Variants in TENM1 observed in about 807,000 individuals in gnomAD.
The protein encoded by TENM1 is teneurin-1.
A neutral mutation model predicts 174.8 loss-of-function variants in TENM1; 35 were observed. That is an observed-to-expected ratio of 0.20 (90% CI 0.15 to 0.27). TENM1 has a LOEUF of 0.27. Among genes scored for constraint, TENM1 ranks in the 10% least tolerant of loss-of-function variants. TENM1 has a pLI of 1.00. For synonymous variants in TENM1, 781 were observed against 798.7 expected, an observed-to-expected ratio of 0.98 and a Z score of 0.37; for missense variants, 1,633 against 2,130.1, an observed-to-expected ratio of 0.77 and a Z score of 4.59.
intron 1 of TENM1, among the ~76,000 whole-genome samples, chrX:124,947,174 A>C (rs1000378024): frequency 5.4e-5 from 6 of 111,870 alleles, no homozygotes; most frequent in African/African-American, 1.9e-4. Flanking sequence ...TTGCACAGCA[A>C]TCTTGCAAAT....
Position 124,406,404 on chromosome X carries a change from T to C in TENM1, c.5068A>G (p.Lys1690Glu). The change falls in exon 26 of 32, where the codon AAA becomes GAA. Residue 1690 changes from lysine (K) to glutamate (E), a missense_variant. Physicochemically the swap from Lys to Glu is moderately conservative, Grantham distance 56. This residue lies in a region of TENM1 where 807 missense variants were observed against 1,125.3 expected (regional missense o/e 0.72). Coordinates refer to ENST00000422452, the Ensembl canonical transcript of TENM1. ...CGGTTGGAAGTATCTAGCTCCACTT[T>C]TGTCAGCTTCTCCAGGTCACTGTGG... The C allele has an allele frequency of 2.5e-6, 3 of 1,209,417 alleles. No homozygotes were observed. Among genetic ancestry groups the C allele is most frequent in the Non-Finnish European group, 3.4e-6 (3 of 893,650 alleles).
chrX:124,998,055 G>A, the TENM1 span, among the ~76,000 whole-genome samples: 1 of 102,101 alleles, frequency 9.8e-6, no homozygotes, highest in African/African-American at 3.6e-5. Flanking sequence ...TGGCCTATCA[G>A]TGTGTGGCTT....
At chrX:124,725,842 G>T (rs1307874822) in intron 4 of TENM1, among the ~76,000 whole-genome samples, 3 of 112,193 alleles carry the variant, frequency 2.7e-5, no homozygotes, top group Non-Finnish European at 3.8e-5. Context: ...TATATTTCAT[G>T]CTCTTAGTAA....
intron 3 of TENM1, among the ~76,000 whole-genome samples, chrX:124,794,475 T>C (rs1858905649): frequency 9.0e-6 from 1 of 111,425 alleles, no homozygotes; most frequent in African/African-American, 3.3e-5. Context: ...AACTTCCACA[T>C]GCAATACGTC....
chrX:125,010,970 G>A, the TENM1 span, among the ~76,000 whole-genome samples: 1 of 111,255 alleles, frequency 9.0e-6, no homozygotes, highest in Non-Finnish European at 1.9e-5. Flanking sequence ...GCATGGTACT[G>A]GTACCCAAAC....
At chrX:124,862,017 G>C (rs1359501410) in intron 3 of TENM1, among the ~76,000 whole-genome samples, 1 of 111,869 alleles carries the variant, frequency 8.9e-6, no homozygotes, top group Non-Finnish European at 1.9e-5. Context: ...ATAAGGGCCA[G>C]TATAGTCATC....
At chrX:124,794,314 C>A (rs1320247722) in intron 3 of TENM1, among the ~76,000 whole-genome samples, 1 of 111,591 alleles carries the variant, frequency 9.0e-6, no homozygotes, top group Admixed American at 9.5e-5. Context: ...GTTTGGATAT[C>A]TCATAGACAA....
At chrX:124,749,006 G>C (rs1422377100) in intron 3 of TENM1, among the ~76,000 whole-genome samples, 1 of 111,325 alleles carries the variant, frequency 9.0e-6, no homozygotes, top group African/African-American at 3.3e-5. Context: ...CTAGTAAGTA[G>C]CCTAAGAGGA....
intron 3 of TENM1, among the ~76,000 whole-genome samples, chrX:124,807,151 A>G (rs974998369): frequency 1.8e-5 from 2 of 111,637 alleles, no homozygotes; most frequent in African/African-American, 6.5e-5. Context: ...CTCATTCATT[A>G]CCATGAGGAT....
chrX:124,450,347 G>A (rs780632962), intron 23 of TENM1, among the ~76,000 whole-genome samples: 15 of 82,149 alleles, frequency 1.8e-4, no homozygotes, highest in African/African-American at 5.9e-4. Context: ...GCCACAGAGC[G>A]AGACTCCGTC....
At chrX:124,943,247 C>T (rs563372766) in intron 1 of TENM1, among the ~76,000 whole-genome samples, 61 of 110,937 alleles carry the variant, frequency 5.5e-4, no homozygotes, top group African/African-American at 1.3e-3. Flanking sequence ...ATAGTAGAGG[C>T]AATCCAAAAG....
At chrX:124,613,052 C>T (rs757387425) in intron 11 of TENM1, among the ~76,000 whole-genome samples, 1 of 111,458 alleles carries the variant, frequency 9.0e-6, no homozygotes, top group South Asian at 3.8e-4. Flanking sequence ...TTGCCTTCTA[C>T]AATGTGTAAA....
chrX:124,552,283 A>T (rs894794822), intron 14 of TENM1, among the ~76,000 whole-genome samples: 16 of 111,880 alleles, frequency 1.4e-4, no homozygotes, highest in Non-Finnish European at 2.6e-4. Context: ...ACTATAAATC[A>T]TTCATAACTC....
chrX:124,670,566 T>A (rs73634534), intron 6 of TENM1, among the ~76,000 whole-genome samples: 1,857 of 111,527 alleles, frequency 0.017, 33 homozygotes, highest in African/African-American at 0.055. Context: ...TACAGCAAAC[T>A]GCATCATGAA....
chrX:124,773,700 G>A (rs768292225), intron 3 of TENM1, among the ~76,000 whole-genome samples: 148 of 111,310 alleles, frequency 1.3e-3, no homozygotes, highest in African/African-American at 4.3e-3. Flanking sequence ...TGAAACCCCC[G>A]TATGTTGCCA....
At chrX:124,995,143 T>C in the TENM1 span, among the ~76,000 whole-genome samples, 1 of 111,040 alleles carries the variant, frequency 9.0e-6, no homozygotes, top group Non-Finnish European at 1.9e-5. Context: ...TTGCTTAGTT[T>C]ACTAATCATA....
chrX:124,527,614 T>A (rs1399542498), intron 16 of TENM1, among the ~76,000 whole-genome samples: 1 of 109,669 alleles, frequency 9.1e-6, no homozygotes, highest in African/African-American at 3.3e-5. Flanking sequence ...TCAGCCTTTC[T>A]ATACTCTTTT....
At chrX:125,191,166 A>G in the TENM1 span, among the ~76,000 whole-genome samples, 2 of 111,740 alleles carry the variant, frequency 1.8e-5, no homozygotes, top group African/African-American at 3.2e-5. Context: ...TTATTTATTT[A>G]GGACAAAGTC....
chrX:125,079,028 G>C, the TENM1 span, among the ~76,000 whole-genome samples: 3 of 111,309 alleles, frequency 2.7e-5, no homozygotes, highest in Non-Finnish European at 5.7e-5. Flanking sequence ...AGGTAATAAG[G>C]AGCACCGTCA....
Sources: gnomAD v4.1 joint callset for allele counts (sites outside exome capture counted in the v4.1 genomes callset) on GRCh38, gnomAD v4.1.1 for gene constraint, gnomAD v4.1.1 regional missense constraint, MANE v1.5 for transcripts, NCBI Gene and HGNC (gene_info 2026-07-23, HGNC 2026-07-21) for gene names.